Variants in SLC35F3 observed in about 807,000 individuals in gnomAD.
SLC35F3 encodes the protein putative thiamine transporter SLC35F3.
In SLC35F3, 25 loss-of-function variants were observed where a neutral mutation model predicts 49.9. That is an observed-to-expected ratio of 0.50 (90% confidence interval 0.37 to 0.70). The LOEUF is 0.70. SLC35F3 is among the 30% of genes least tolerant of loss of function. The probability of loss-of-function intolerance (pLI) is 0.00; values close to 1 mark genes in which losing one functional copy is unlikely to be tolerated. For missense variants in SLC35F3, 525 were observed against 639.8 expected, an observed-to-expected ratio of 0.82 and a Z score of 1.94; for synonymous variants, 275 against 265.4, an observed-to-expected ratio of 1.04 and a Z score of -0.35.
intron 2 of SLC35F3, among the ~76,000 whole-genome samples, chr1:233,995,601 C>A (rs528455969): frequency 4.6e-5 from 7 of 152,192 alleles, no homozygotes; most frequent in Non-Finnish European, 8.8e-5. Flanking sequence ...ATTGCTTCTA[C>A]ATATTTTCTG....
At chr1:234,023,577 T>G (rs1663932005) in intron 2 of SLC35F3, among the ~76,000 whole-genome samples, 1 of 152,110 alleles carries the variant, frequency 6.6e-6, no homozygotes, top group East Asian at 1.9e-4. Context: ...CACTCCACTC[T>G]CAAGGAAGTG....
intron 2 of SLC35F3, among the ~76,000 whole-genome samples, chr1:234,067,031 C>G (rs954077725): frequency 6.6e-6 from 1 of 152,248 alleles, no homozygotes; most frequent in Non-Finnish European, 1.5e-5. Context: ...TAATAAATAA[C>G]TTTCTTAAAT....
chr1:234,140,002 A>AATAAAATAAATAAT, intron 2 of SLC35F3, among the ~76,000 whole-genome samples: 1 of 105,368 alleles, frequency 9.5e-6, no homozygotes, highest in Non-Finnish European at 2.4e-5. Context: ...AATAAAATAA[A>AATAAAATAAATAAT]GTAAGTGACT....
intron 2 of SLC35F3, among the ~76,000 whole-genome samples, chr1:234,184,361 G>T (rs753160171): frequency 3.3e-5 from 5 of 152,096 alleles, no homozygotes; most frequent in Non-Finnish European, 7.4e-5. Flanking sequence ...ACTATTTTAT[G>T]TGGTTTGTAA....
At chr1:234,075,325 C>G (rs777186426) in intron 2 of SLC35F3, among the ~76,000 whole-genome samples, 1 of 152,180 alleles carries the variant, frequency 6.6e-6, no homozygotes, top group African/African-American at 2.4e-5. Flanking sequence ...GCATGCCAAG[C>G]CCTTCACCTC....
chr1:234,220,464 T>C (rs1353912199), intron 2 of SLC35F3, among the ~76,000 whole-genome samples: 2 of 152,180 alleles, frequency 1.3e-5, no homozygotes, highest in Non-Finnish European at 2.9e-5. Flanking sequence ...ACTGCGGTAG[T>C]AATATTTGCT....
In SLC35F3 at chr1:234,324,102, A is replaced by T. The variant is rs1657698768; in HGVS notation, c.*859A>T. The T allele has an allele frequency of 6.6e-6, 1 of 152,274 alleles. No individual in the cohort carries two copies. The highest frequency in any genetic ancestry group is 1.5e-5 in the Non-Finnish European group (1 of 68,054). 9.4% of individuals were successfully genotyped at this position (152,274 alleles called of 1,614,324 possible). On this transcript the variant is annotated 3_prime_UTR_variant, in exon 8 of 8. Transcript: ENST00000366618. ...GTATACAGAGCGTGGCCCGCGGTGT[A>T]CAATACCCATATAAGGTACATTGTG...
At chr1:234,226,624 G>A (rs1164561630) in intron 2 of SLC35F3, among the ~76,000 whole-genome samples, 5 of 151,412 alleles carry the variant, frequency 3.3e-5, no homozygotes, top group African/African-American at 4.8e-5. Flanking sequence ...TGGGACTAAG[G>A]ATGTGCCTTG....
intron 2 of SLC35F3, among the ~76,000 whole-genome samples, chr1:233,984,130 G>T (rs983425659): frequency 3.9e-5 from 6 of 152,126 alleles, no homozygotes; most frequent in African/African-American, 4.8e-5. Context: ...TCCCAGGAAG[G>T]TATTTTCTTC....
At chr1:234,096,423 G>C (rs988580027) in intron 2 of SLC35F3, among the ~76,000 whole-genome samples, 1 of 152,186 alleles carries the variant, frequency 6.6e-6, no homozygotes, top group Non-Finnish European at 1.5e-5. Flanking sequence ...CCCATGGAAC[G>C]TGCTTCATCA....
intron 2 of SLC35F3, among the ~76,000 whole-genome samples, chr1:233,929,116 G>T (rs1213305730): frequency 1.6e-5 from 2 of 123,458 alleles, no homozygotes; most frequent in Non-Finnish European, 3.5e-5. Flanking sequence ...TGAAACCATG[G>T]CAATCTGCAA....
chr1:234,277,140 T>C (rs564370700), intron 3 of SLC35F3, among the ~76,000 whole-genome samples: 1 of 152,376 alleles, frequency 6.6e-6, no homozygotes, highest in African/African-American at 2.4e-5. Flanking sequence ...CCTTGGCTCT[T>C]CACAAAACCA....
chr1:234,000,288 A>C (rs1299852886), intron 2 of SLC35F3, among the ~76,000 whole-genome samples: 1 of 152,230 alleles, frequency 6.6e-6, no homozygotes, highest in Admixed American at 6.5e-5. Context: ...CTCAGAAACT[A>C]AAGATGGAAT....
In SLC35F3 at chr1:234,248,276, C is replaced by T. The variant is rs866105012; in HGVS notation, c.608+16535C>T. Among the ~76,000 whole-genome samples, 292 of 124,208 alleles carry T rather than the reference C, an allele frequency of 2.4e-3. 22 individuals are homozygous for T. The highest frequency in any genetic ancestry group is 8.9e-3 in the African/African-American group (276 of 31,086). The allele number at this position is 124,208 out of a possible 152,430, so 81.5% of individuals were successfully genotyped here. A position where few individuals can be genotyped will look rare whatever the true frequency, so the allele number is the denominator to read the frequency against. ...GTCCATTGTTTGATGGGTCAGTTGG[C>T]TGGTCCATTGTTTGGTGGGTTGGTT... On this transcript the variant is annotated intron_variant, in intron 3 of 7. Coordinates refer to ENST00000366618, the MANE Select transcript of SLC35F3 (RefSeq NM_173508.4).
At chr1:234,179,933 C>A (rs1476492769) in intron 2 of SLC35F3, among the ~76,000 whole-genome samples, 1 of 152,212 alleles carries the variant, frequency 6.6e-6, no homozygotes, top group Non-Finnish European at 1.5e-5. Context: ...ACTCTATCCT[C>A]TTCTCAAGTT....
chr1:233,966,864 G>A (rs1194124446), intron 2 of SLC35F3, among the ~76,000 whole-genome samples: 1 of 152,118 alleles, frequency 6.6e-6, no homozygotes, highest in East Asian at 1.9e-4. Context: ...TTCTTTGGAG[G>A]CAAAGCATCA....
intron 3 of SLC35F3, among the ~76,000 whole-genome samples, chr1:234,287,135 G>A (rs1258005060): frequency 1.3e-5 from 2 of 152,132 alleles, no homozygotes; most frequent in Non-Finnish European, 2.9e-5. Context: ...GGAGTTCCAG[G>A]CTCCAGGGAG....
chr1:234,236,200 G>A (rs1667465104), intron 3 of SLC35F3, among the ~76,000 whole-genome samples: 1 of 152,128 alleles, frequency 6.6e-6, no homozygotes, highest in Non-Finnish European at 1.5e-5. Context: ...CAGCACTTTG[G>A]TGGGCTGAGG....
Position 234,323,061 on chromosome 1 carries a change from AT to A in SLC35F3, c.1292del (p.Ile431ThrfsTer21). On this transcript the variant is annotated frameshift_variant, in exon 8 of 8. Transcript: ENST00000366618. LOFTEE classifies it high-confidence loss of function. This position sits in a 1 kb window ranked among gnomAD's most constrained non-coding sequence, Gnocchi z 4.5. Reference protein sequence around the residue: ...IVFNGVRVIAIIIIGLGFLLL... With the variant: ...IVFNGVRVIAXIIIGLGFLLL... ...CTTCAATGGGGTCCGGGTCATCGCC[AT>A]CATCATCATCGGCCTGGGTTTTCTC... 6.2e-7 allele frequency: 1 copy of A among 1,613,748 alleles called. No individual in the cohort carries two copies. Among genetic ancestry groups the A allele is most frequent in the Non-Finnish European group, 8.5e-7 (1 of 1,179,722 alleles).
Sources: gnomAD v4.1 joint callset for allele counts (sites outside exome capture counted in the v4.1 genomes callset) on GRCh38, gnomAD v4.1.1 for gene constraint, Gnocchi (gnomAD v3.1) non-coding constraint, MANE v1.5 for transcripts, NCBI Gene and HGNC (gene_info 2026-07-23, HGNC 2026-07-21) for gene names.